Variants in ARHGAP26 observed in about 807,000 individuals in gnomAD.
The protein encoded by ARHGAP26 is Rho GTPase activating protein 26, also known as rho GTPase-activating protein 26.
In ARHGAP26, 38 loss-of-function variants were observed where a neutral mutation model predicts 104.8. The observed-to-expected ratio is 0.36, with a 90% CI of 0.28 to 0.48. The LOEUF is 0.48. ARHGAP26 is among the 20% of genes least tolerant of loss of function. The probability of loss-of-function intolerance (pLI) is 0.99; values close to 1 mark genes in which losing one functional copy is unlikely to be tolerated. For missense variants in ARHGAP26, 704 were observed against 947.9 expected (o/e 0.74, Z 3.38); for synonymous variants, 341 against 340.0 (o/e 1.00, Z -0.03).
chr5:142,923,900 C>T (rs912256897), intron 10 of ARHGAP26, among the ~76,000 whole-genome samples: 20 of 121,654 alleles, frequency 1.6e-4, no homozygotes, highest in African/African-American at 4.7e-4. Flanking sequence ...CCTGCTCTGT[C>T]GCCCAGGCTG....
intron 6 of ARHGAP26, among the ~76,000 whole-genome samples, chr5:142,899,691 A>G (rs370704990): frequency 1.3e-5 from 2 of 152,040 alleles, no homozygotes. Context: ...ACTTTGTAAT[A>G]CTTCAAAGGT....
intron 4 of ARHGAP26, among the ~76,000 whole-genome samples, chr5:142,881,940 G>A (rs1757054791): frequency 6.6e-6 from 1 of 152,212 alleles, no homozygotes; most frequent in Non-Finnish European, 1.5e-5. Context: ...GGCTGCCAGG[G>A]AGGAAGATTC....
chr5:143,032,446 G>T (rs1349137596), intron 12 of ARHGAP26, among the ~76,000 whole-genome samples: 1 of 152,224 alleles, frequency 6.6e-6, no homozygotes, highest in East Asian at 1.9e-4. Context: ...TAGGGATACA[G>T]AAATTGCTAA....
chr5:142,810,835 C>T (rs1348943148), intron 1 of ARHGAP26, among the ~76,000 whole-genome samples: 2 of 152,154 alleles, frequency 1.3e-5, no homozygotes, highest in Non-Finnish European at 2.9e-5. Context: ...TAACCATAAG[C>T]GTTGATATGT....
intron 1 of ARHGAP26, among the ~76,000 whole-genome samples, chr5:142,793,779 G>T (rs1760375307): frequency 6.6e-6 from 1 of 151,916 alleles, no homozygotes; most frequent in Non-Finnish European, 1.5e-5. Context: ...GTAGATACGG[G>T]GTTTCTCCAT....
chr5:143,221,299 A>G (rs1811091794), intron 22 of ARHGAP26, among the ~76,000 whole-genome samples: 1 of 152,130 alleles, frequency 6.6e-6, no homozygotes, highest in Admixed American at 6.5e-5. Flanking sequence ...AGAGGGAGGA[A>G]GAGAAGAATT....
At chr5:142,907,134 T>A (rs925547014) in intron 8 of ARHGAP26, among the ~76,000 whole-genome samples, 1 of 152,202 alleles carries the variant, frequency 6.6e-6, no homozygotes, top group Non-Finnish European at 1.5e-5. Context: ...ACTTCCACTC[T>A]GCATCTCTGG....
At chr5:143,199,970 G>C (rs1308103036) in intron 20 of ARHGAP26, among the ~76,000 whole-genome samples, 4 of 152,158 alleles carry the variant, frequency 2.6e-5, no homozygotes, top group Non-Finnish European at 5.9e-5. Flanking sequence ...GTGGATATCT[G>C]TCTCTTTATC....
At chr5:143,026,151 G>C (rs951189908) in intron 12 of ARHGAP26, among the ~76,000 whole-genome samples, 1 of 152,154 alleles carries the variant, frequency 6.6e-6, no homozygotes, top group African/African-American at 2.4e-5. Flanking sequence ...ACTATTCAAG[G>C]CTCCTGGAAT....
intron 18 of ARHGAP26, among the ~76,000 whole-genome samples, chr5:143,133,256 C>T (rs62376069): frequency 2.0e-5 from 3 of 152,030 alleles, no homozygotes; most frequent in Admixed American, 6.6e-5. Flanking sequence ...AACCTAAATG[C>T]TAACAGTGGT....
At chr5:142,816,134 C>T (rs1442337603) in intron 1 of ARHGAP26, among the ~76,000 whole-genome samples, 1 of 152,088 alleles carries the variant, frequency 6.6e-6, no homozygotes, top group Non-Finnish European at 1.5e-5. Flanking sequence ...TCTTTCCCTT[C>T]TACAGCATAG....
rs1449884295 is a variant in ARHGAP26, at chr5:143,034,658, G to A, written c.1145-2538G>A. The stretch of plus-strand genomic sequence containing the variant: ...AAAAATGTTCTGGAGTTAGATAATA[G>A]TGATTAATACACAGCTTTGTAAATA... On this transcript the variant is annotated intron_variant, in intron 12 of 22. Transcript: ENST00000645722. Among the ~76,000 whole-genome samples the A allele has an allele frequency of 4.6e-5, 7 of 152,042 alleles. No homozygotes were observed. In the East Asian group the frequency reaches 1.3e-3, roughly 29 times the overall value.
chr5:143,185,331 T>A (rs903892043), intron 20 of ARHGAP26, among the ~76,000 whole-genome samples: 6 of 147,336 alleles, frequency 4.1e-5, no homozygotes, highest in African/African-American at 1.3e-4. Flanking sequence ...TGGTTTGGTT[T>A]TGTCTTTTGC....
At chr5:142,887,026 A>G (rs1757807773) in intron 5 of ARHGAP26, among the ~76,000 whole-genome samples, 1 of 152,264 alleles carries the variant, frequency 6.6e-6, no homozygotes, top group South Asian at 2.1e-4. Flanking sequence ...TAGTACAGAT[A>G]TTCAGAGTAT....
chr5:142,781,658 G>A (rs541208101), intron 1 of ARHGAP26, among the ~76,000 whole-genome samples: 1 of 152,248 alleles, frequency 6.6e-6, no homozygotes, highest in African/African-American at 2.4e-5. Context: ...TACTCAGTGG[G>A]ATCACAATTT....
At chr5:142,963,940 G>A (rs76755977) in intron 11 of ARHGAP26, among the ~76,000 whole-genome samples, 1,999 of 152,260 alleles carry the variant, frequency 0.013, 34 homozygotes, top group African/African-American at 0.034. Flanking sequence ...AGATTAAAAA[G>A]TAACCAGAAT....
intron 1 of ARHGAP26, among the ~76,000 whole-genome samples, chr5:142,784,203 C>T (rs950578384): frequency 2.0e-5 from 3 of 152,344 alleles, no homozygotes; most frequent in East Asian, 3.9e-4. Flanking sequence ...TTTCCTCTTA[C>T]GTAGCCAGCA....
chr5:143,005,017 T>C lies in ARHGAP26; in HGVS notation c.1108-9063T>C, dbSNP rs532070294. Reference sequence around the variant, plus strand: ...GACAGCACAGTTTCTCGTTCAACTTTGTTGCACATTTTTCTCCTTCACTCT... The same window carrying C: ...GACAGCACAGTTTCTCGTTCAACTTCGTTGCACATTTTTCTCCTTCACTCT... On this transcript the variant is annotated intron_variant, in intron 11 of 22. Coordinates refer to ENST00000645722, the MANE Select transcript of ARHGAP26 (RefSeq NM_001135608.3). Among the ~76,000 whole-genome samples, 40 of 152,334 alleles carry C rather than the reference T, an allele frequency of 2.6e-4. 1 individual carries two copies. In the South Asian group the frequency reaches 6.4e-3, roughly 24 times the overall value.
intron 1 of ARHGAP26, among the ~76,000 whole-genome samples, chr5:142,784,915 T>G (rs550685699): frequency 1.3e-5 from 2 of 149,880 alleles, no homozygotes; most frequent in African/African-American, 5.0e-5. Context: ...GGCAACCACT[T>G]CCTTAGGATT....
Sources: gnomAD v4.1 joint callset for allele counts (sites outside exome capture counted in the v4.1 genomes callset) on GRCh38, gnomAD v4.1.1 for gene constraint, MANE v1.5 for transcripts, NCBI Gene and HGNC (gene_info 2026-07-23, HGNC 2026-07-21) for gene names.